Variants in PTPRF observed in about 807,000 individuals in gnomAD.
The protein encoded by PTPRF is receptor-type tyrosine-protein phosphatase F.
A neutral mutation model predicts 201.8 loss-of-function variants in PTPRF; 59 were observed. That is an observed-to-expected ratio of 0.29 (90% CI 0.24 to 0.36). The LOEUF is 0.36. Ranked by LOEUF, PTPRF falls within the 10% of genes least tolerant of loss-of-function variation. PTPRF has a pLI of 1.00. For synonymous variants in PTPRF, 1,088 were observed against 1,089.7 expected, an observed-to-expected ratio of 1.00 and a Z score of 0.03; for missense variants, 2,132 against 2,690.5, an observed-to-expected ratio of 0.79 and a Z score of 4.59.
intron 5 of PTPRF, among the ~76,000 whole-genome samples, chr1:43,557,331 G>A (rs371522445): frequency 5.3e-5 from 8 of 152,210 alleles, no homozygotes; most frequent in East Asian, 1.9e-4. Flanking sequence ...TGAGGAGGAC[G>A]GACTTCAGAC....
chr1:43,622,080 A>C lies in PTPRF; in HGVS notation c.*77A>C. The C allele has an allele frequency of 2.0e-6, 3 of 1,465,062 alleles. No individual in the cohort carries two copies. The highest frequency in any genetic ancestry group is 2.9e-6 in the Non-Finnish European group (3 of 1,048,158). The allele number at this position is 1,465,062 out of a possible 1,614,324, so 90.8% of individuals were successfully genotyped here. A position where few individuals can be genotyped will look rare whatever the true frequency, so the allele number is the denominator to read the frequency against. Reference sequence around the variant, plus strand: ...CCAGCTCCTCTGAGCCATACCGACCATCGTCCAGCCCTCCTACGCAGATGC... The same window carrying C: ...CCAGCTCCTCTGAGCCATACCGACCCTCGTCCAGCCCTCCTACGCAGATGC... On this transcript the variant is annotated 3_prime_UTR_variant, in exon 34 of 34. Coordinates refer to ENST00000359947, the MANE Select transcript of PTPRF (RefSeq NM_002840.5).
At chr1:43,612,628 T>A in intron 22 of PTPRF, 4 of 524,364 alleles carry the variant, frequency 7.6e-6, no homozygotes, top group Non-Finnish European at 1.0e-5. Flanking sequence ...CACCGCCCCC[T>A]CCTCTTCTCC....
Position 43,622,446 on chromosome 1 carries a change from G to GCT in PTPRF, c.*443_*444insCT. ...TAGGGGTTGGGGTTTATTTTGTTTT[G>GCT]TTTTTTTTTTTCTTGAGTTCACTTT... is the stretch of plus-strand genomic sequence containing the variant. On this transcript the variant is annotated 3_prime_UTR_variant, in exon 34 of 34. Transcript: ENST00000359947. 6.6e-6 allele frequency: 1 copy of GCT among 151,428 alleles called. No individual in the cohort carries two copies. Among genetic ancestry groups the GCT allele is most frequent in the Non-Finnish European group, 1.4e-5 (1 of 69,258 alleles). The allele number at this position is 151,428 out of a possible 1,614,324, so 9.4% of individuals were successfully genotyped here.
At chr1:43,573,597 C>T (rs926268408) in intron 6 of PTPRF, among the ~76,000 whole-genome samples, 3 of 152,226 alleles carry the variant, frequency 2.0e-5, no homozygotes, top group East Asian at 3.9e-4. Context: ...ATCTGCGGGG[C>T]CTGCCAGGAA....
chr1:43,543,522 G>T (rs1644479839), intron 2 of PTPRF, among the ~76,000 whole-genome samples: 1 of 152,188 alleles, frequency 6.6e-6, no homozygotes, highest in Non-Finnish European at 1.5e-5. Flanking sequence ...TGGGACAGGG[G>T]ACAACTCTCA....
chr1:43,529,629 C>CG (rs899386447), upstream of PTPRF, among the ~76,000 whole-genome samples: 4 of 133,630 alleles, frequency 3.0e-5, no homozygotes, highest in Admixed American at 7.7e-5. Context: ...TAGCAAGCGG[C>CG]GGGGGGAGGA....
intron 6 of PTPRF, among the ~76,000 whole-genome samples, chr1:43,573,847 A>G (rs986842495): frequency 6.6e-6 from 1 of 152,136 alleles, no homozygotes; most frequent in Non-Finnish European, 1.5e-5. Flanking sequence ...GCCCTGGACC[A>G]TATCCACTGC....
intron 16 of PTPRF, among the ~76,000 whole-genome samples, chr1:43,604,590 C>T (rs757342832): frequency 6.6e-6 from 1 of 152,248 alleles, no homozygotes. Context: ...GACCGAAACC[C>T]ACTGACCCTC....
intron 29 of PTPRF, 118 bp from the exon 30 acceptor site, chr1:43,619,977 A>C: frequency 6.4e-7 from 1 of 1,563,252 alleles, no homozygotes; most frequent in East Asian, 2.2e-5. Context: ...TGGGTAGAGC[A>C]GTGAGGACTT....
chr1:43,558,368 C>T (rs1338481147), intron 5 of PTPRF, among the ~76,000 whole-genome samples: 1 of 152,130 alleles, frequency 6.6e-6, no homozygotes, highest in Non-Finnish European at 1.5e-5. Flanking sequence ...TCCAGGGCCA[C>T]TCCCACCACA....
At chr1:43,612,665 A>G (rs1319947954) in intron 22 of PTPRF, 1 of 1,084,028 alleles carries the variant, frequency 9.2e-7, no homozygotes, top group Admixed American at 2.4e-5. Flanking sequence ...CCCGCTCGGC[A>G]CCTCCACTGT....
At chr1:43,522,526 T>C (rs772236210), upstream of PTPRF, among the ~76,000 whole-genome samples, 1 of 152,210 alleles carries the variant, frequency 6.6e-6, no homozygotes, top group African/African-American at 2.4e-5. Context: ...GTGAATGACA[T>C]GGATGACAGG....
At chr1:43,612,650 G>A (rs767022308) in intron 22 of PTPRF, 313 of 894,020 alleles carry the variant, frequency 3.5e-4, no homozygotes, top group Non-Finnish European at 4.8e-4. Flanking sequence ...CCAGCCCCTC[G>A]CAAGCCCGCT....
intron 23 of PTPRF, 70 bp downstream of exon 23, chr1:43,613,785 G>T (rs935022615): frequency 6.6e-6 from 9 of 1,357,414 alleles, no homozygotes; most frequent in Non-Finnish European, 8.4e-6. Flanking sequence ...TCCTGTCCTA[G>T]GTCCCAGCTG....
chr1:43,577,217 C>G (rs1032301895), intron 6 of PTPRF, among the ~76,000 whole-genome samples: 1 of 152,212 alleles, frequency 6.6e-6, no homozygotes, highest in African/African-American at 2.4e-5. Flanking sequence ...CTCAGGTGAC[C>G]TTAGGGCAGC....
chr1:43,616,002 G>A (rs1331928493), intron 23 of PTPRF, among the ~76,000 whole-genome samples: 1 of 152,080 alleles, frequency 6.6e-6, no homozygotes, highest in African/African-American at 2.4e-5. Flanking sequence ...AATCAGCATT[G>A]AATATGTGAC....
intron 21 of PTPRF, 76 bp downstream of exon 21, chr1:43,607,044 G>C (rs1432461609): frequency 1.7e-5 from 27 of 1,556,766 alleles, no homozygotes; most frequent in Non-Finnish European, 2.3e-5. Context: ...TGTGGTGCCT[G>C]TGGAGAGCGT....
upstream of PTPRF, among the ~76,000 whole-genome samples, chr1:43,526,518 C>G (rs1213686798): frequency 2.0e-5 from 3 of 151,938 alleles, 1 homozygote; most frequent in South Asian, 6.2e-4. Flanking sequence ...CACCTCATAC[C>G]TGAGAAAGTA....
chr1:43,550,812 G>C (rs1644981441), intron 3 of PTPRF, among the ~76,000 whole-genome samples: 1 of 152,208 alleles, frequency 6.6e-6, no homozygotes, highest in Non-Finnish European at 1.5e-5. Flanking sequence ...TCATAGGTTG[G>C]GGGCAGGGGG....
Sources: allele counts gnomAD v4.1 joint callset (sites outside exome capture counted in the v4.1 genomes callset), GRCh38; gene constraint gnomAD v4.1.1; transcripts MANE v1.5; gene names NCBI Gene and HGNC (gene_info 2026-07-23, HGNC 2026-07-21).